The following DNMT3A variants were observed in gnomAD, a reference collection of about 807,000 sequenced individuals.
DNMT3A encodes DNA (cytosine-5)-methyltransferase 3A.
Under a neutral mutation model 117.6 loss-of-function variants are expected in DNMT3A, and 267 were observed. The observed-to-expected ratio is 2.27, with a 90% confidence interval of 2.05 to 2.51. The LOEUF (loss-of-function observed/expected upper bound fraction) is 2.51. Ranked by LOEUF, DNMT3A falls within the 30% of genes most tolerant of loss-of-function variation. The pLI is 0.00. For missense variants in DNMT3A, 1,029 were observed against 1,260.2 expected, an observed-to-expected ratio of 0.82 and a Z score of 2.78; for synonymous variants, 432 against 474.8, an observed-to-expected ratio of 0.91 and a Z score of 1.17.
Position 25,246,293 on chromosome 2 carries a change from G to A in DNMT3A, c.1296C>T (p.Tyr432=), listed in dbSNP as rs1674760443. Residue 432 remains tyrosine, a synonymous_variant, in exon 11 of 23, where the codon TAC becomes TAT. Coordinates refer to ENST00000321117, the MANE Select transcript of DNMT3A (RefSeq NM_022552.5). ...LEPPEEEKNP[Y]KEVYTDMWVE... ...CCCACATGTCCGTGTACACTTCTTT[G>A]TAGGGATTCTTCTCTTCTGGAGGAG... The A allele has an allele frequency of 6.2e-7, 1 of 1,609,642 alleles. No homozygotes were observed. Among genetic ancestry groups the A allele is most frequent in the African/African-American group, 1.3e-5 (1 of 74,856 alleles).
At position 25,287,131 on chromosome 2, in the gene DNMT3A, G is replaced by C. The variant is rs141281921; in HGVS notation, c.178-4420C>G. On this transcript the variant is annotated intron_variant, in intron 3 of 22. Coordinates refer to ENST00000321117, the MANE Select transcript of DNMT3A (RefSeq NM_022552.5). ...TCTGTTAAACAATCTGCTTTTGTTT[G>C]CTTTTGACAGTCATCTTGAAAGAGA... Among the ~76,000 whole-genome samples the C allele has an allele frequency of 9.9e-5, 15 of 152,272 alleles. No individual in the cohort carries two copies. In the East Asian group the frequency reaches 2.9e-3, roughly 29 times the overall value.
In DNMT3A at chr2:25,341,761, C is replaced by G. The variant is rs1213721069; in HGVS notation, c.-178+65G>C. On this transcript the variant is annotated intron_variant, in intron 1 of 22. Transcript: ENST00000321117. ...ACTGCCAGCCGCGGCGCCCCCCGCCCGGCTCCCCGGCTCCCCGCCGCCTCC... is the reference window on the plus strand; with the variant it reads ...ACTGCCAGCCGCGGCGCCCCCCGCCGGGCTCCCCGGCTCCCCGCCGCCTCC... 1.1e-4 allele frequency: 108 copies of G among 964,086 alleles called. No homozygotes were observed. In the South Asian group the frequency reaches 1.9e-3, roughly 17 times the overall value. The allele number at this position is 964,086 out of a possible 1,614,324, so 59.7% of individuals were successfully genotyped here. A position where few individuals can be genotyped will look rare whatever the true frequency, so the allele number is the denominator to read the frequency against.
intron 6 of DNMT3A, among the ~76,000 whole-genome samples, chr2:25,266,086 C>T (rs758877668): frequency 1.3e-5 from 2 of 152,142 alleles, no homozygotes; most frequent in South Asian, 2.1e-4. Flanking sequence ...GACTCTGGTG[C>T]GCAACCAACC....
chr2:25,244,047 G>T, intron 15 of DNMT3A, 65 bp from the exon 16 acceptor site: 1 of 1,570,850 alleles, frequency 6.4e-7, no homozygotes, highest in Non-Finnish European at 8.6e-7. Flanking sequence ...ACCCAGCGCT[G>T]GCCCTCCAGC....
chr2:25,259,346 C>T (rs940388116), intron 6 of DNMT3A, among the ~76,000 whole-genome samples: 1 of 152,180 alleles, frequency 6.6e-6, no homozygotes, highest in African/African-American at 2.4e-5. Flanking sequence ...TACCGGATCT[C>T]AGGTGCCCCT....
chr2:25,267,517 T>C (rs915733378), intron 6 of DNMT3A, among the ~76,000 whole-genome samples: 13 of 152,310 alleles, frequency 8.5e-5, no homozygotes, highest in African/African-American at 2.9e-4. Flanking sequence ...GAGGCTGCAG[T>C]GAGCCATGAT....
chr2:25,267,764 C>T (rs981107100), intron 6 of DNMT3A, among the ~76,000 whole-genome samples: 2 of 152,212 alleles, frequency 1.3e-5, no homozygotes, highest in African/African-American at 4.8e-5. Context: ...ATTCATTCAG[C>T]ACACTTTCAC....
At chr2:25,273,473 G>T (rs1262480134) in intron 6 of DNMT3A, among the ~76,000 whole-genome samples, 1 of 152,162 alleles carries the variant, frequency 6.6e-6, no homozygotes, top group East Asian at 1.9e-4. Flanking sequence ...TCCCCTGGAG[G>T]CCTGGGGTAA....
intron 6 of DNMT3A, among the ~76,000 whole-genome samples, chr2:25,265,907 T>C (rs1219669577): frequency 6.6e-6 from 1 of 152,108 alleles, no homozygotes; most frequent in Non-Finnish European, 1.5e-5. Context: ...TGATGTAAAG[T>C]AGGTGCTCAG....
chr2:25,328,514 C>T (rs1359789761), intron 1 of DNMT3A: 9 of 404,726 alleles, frequency 2.2e-5, no homozygotes, highest in South Asian at 7.4e-5. Flanking sequence ...GTGTTCCATG[C>T]GTATATAGAT....
intron 1 of DNMT3A, chr2:25,314,561 C>T (rs1233892932): frequency 1.0e-6 from 1 of 985,226 alleles, no homozygotes; most frequent in Non-Finnish European, 1.2e-6. Flanking sequence ...CTACGTTTTC[C>T]TTCTAATCTG....
rs1283092568 is a variant in DNMT3A, at chr2:25,300,717, ATATAT to A, written c.73-479_73-475del. ...TTTATATATCTAAATAATATAATAT[ATATAT>A]ATATATATATATATATATATATATA... On this transcript the variant is annotated intron_variant, in intron 2 of 22. Transcript: ENST00000321117. 2.3e-3 allele frequency among the ~76,000 whole-genome samples: 9 copies of A among 3,880 alleles called. 1 individual carries two copies. In the East Asian group the frequency reaches 0.025, roughly 11 times the overall value. 2.5% of individuals were successfully genotyped at this position (3,880 alleles called of 152,430 possible).
chr2:25,241,581 C>A lies in DNMT3A; in HGVS notation c.2063G>T (p.Arg688Leu). ...ACATACATGCTTCTGTGTGACGCTG[C>A]GGACGTCCCCGACGTACATGATCTT... ...QGKIMYVGDV[R>L]SVTQKHIQEW... Residue 688 changes from arginine to leucine, a missense_variant, in exon 17 of 23, where the codon CGC becomes CTC. Transcript: ENST00000321117. The A allele has an allele frequency of 1.2e-6, 2 of 1,613,830 alleles. No homozygotes were observed. Among genetic ancestry groups the A allele is most frequent in the Admixed American group, 1.7e-5 (1 of 59,952 alleles).
intron 3 of DNMT3A, among the ~76,000 whole-genome samples, chr2:25,290,131 A>G (rs1316357677): frequency 6.6e-6 from 1 of 151,830 alleles, no homozygotes; most frequent in East Asian, 1.9e-4. Context: ...CTAACTTTTT[A>G]TTTTTATGGA....
chr2:25,282,289 C>T lies in DNMT3A; in HGVS notation c.448+152G>A. The T allele has an allele frequency of 6.9e-7, 1 of 1,444,538 alleles. No individual in the cohort carries two copies. The highest frequency in any genetic ancestry group is 9.1e-7 in the Non-Finnish European group (1 of 1,097,978). The allele number at this position is 1,444,538 out of a possible 1,614,324, so 89.5% of individuals were successfully genotyped here. A position where few individuals can be genotyped will look rare whatever the true frequency, so the allele number is the denominator to read the frequency against. ...ATAAAACATATGCGCAGGCTGCATC[C>T]AGCCAGTAGCCTCCAGGCCATAGCC... is the stretch of plus-strand genomic sequence containing the variant. On this transcript the variant is annotated intron_variant, in intron 4 of 22. Transcript: ENST00000321117. The surrounding 1 kb of genome is among the most constrained non-coding windows in gnomAD (Gnocchi z 5.2).
chr2:25,340,121 T>C (rs962455811), intron 1 of DNMT3A, among the ~76,000 whole-genome samples: 11 of 152,272 alleles, frequency 7.2e-5, no homozygotes, highest in Non-Finnish European at 1.5e-4. Flanking sequence ...TGCGCGGCCC[T>C]GGGGCTCGGC....
intron 6 of DNMT3A, among the ~76,000 whole-genome samples, chr2:25,263,993 T>C (rs890468138): frequency 6.6e-6 from 1 of 151,962 alleles, no homozygotes; most frequent in South Asian, 2.1e-4. Flanking sequence ...CAGGGGAGGG[T>C]AGAATTCTGA....
chr2:25,268,260 C>T (rs1272433473), intron 6 of DNMT3A, among the ~76,000 whole-genome samples: 2 of 152,110 alleles, frequency 1.3e-5, no homozygotes, highest in Admixed American at 6.5e-5. Context: ...GGAAAGAGAC[C>T]AGATCCTAGA....
At chr2:25,335,046 A>AT (rs2035156256) in intron 1 of DNMT3A, among the ~76,000 whole-genome samples, 2 of 152,390 alleles carry the variant, frequency 1.3e-5, no homozygotes, top group Admixed American at 6.5e-5. Context: ...GTATCTTTCC[A>AT]GAACAACTTT....
Sources: gnomAD v4.1 joint callset for allele counts (sites outside exome capture counted in the v4.1 genomes callset) on GRCh38, gnomAD v4.1.1 for gene constraint, Gnocchi (gnomAD v3.1) non-coding constraint, MANE v1.5 for transcripts, NCBI Gene and HGNC (gene_info 2026-07-23, HGNC 2026-07-21) for gene names.